DOCK6: variants seen among roughly 807,000 people sequenced by gnomAD.
The protein encoded by DOCK6 is dedicator of cytokinesis protein 6.
DOCK6 carries 167 observed loss-of-function variants against 230.3 expected under a neutral mutation model. The observed-to-expected ratio is 0.73, with a 90% confidence interval of 0.64 to 0.82. DOCK6 has a LOEUF of 0.82. Ranked by LOEUF, DOCK6 falls within the 40% of genes least tolerant of loss-of-function variation. DOCK6 has a pLI of 0.00. For synonymous variants in DOCK6, 1,148 were observed against 1,185.0 expected (o/e 0.97, Z 0.64); for missense variants, 2,598 against 2,825.8 (o/e 0.92, Z 1.83).
Position 11,228,958 on chromosome 19 carries a change from C to T in DOCK6, c.2796G>A (p.Trp932Ter). The change falls in exon 23 of 48, where the codon TGG becomes TGA. Residue 932 changes from tryptophan (W) to a stop codon, truncating the protein, a stop_gained. Coordinates refer to ENST00000294618, the MANE Select transcript of DOCK6 (RefSeq NM_020812.4). LOFTEE classifies it high-confidence loss of function. ...GTCTCACCATGAGCTGGAAGAAGAA[C>T]CAGGCGTGCTGGAGGATGGCCTCGC... ...AVREAILQHA[W>*]FFFQLMVKSM... is the part of the protein sequence containing the mutation. 3 of 1,613,832 alleles carry T rather than the reference C, an allele frequency of 1.9e-6. No individual in the cohort carries two copies. The highest frequency in any genetic ancestry group is 2.5e-6 in the Non-Finnish European group (3 of 1,179,854).
intron 23 of DOCK6, 45 bp downstream of exon 23, chr19:11,228,895 C>G: frequency 6.3e-7 from 1 of 1,590,840 alleles, no homozygotes; most frequent in Non-Finnish European, 8.6e-7. Context: ...GGAAGGGGCT[C>G]CACTGGGGGT....
At position 11,253,795 on chromosome 19, in the gene DOCK6, A is replaced by G. The variant is rs535302416; in HGVS notation, c.45-69T>C. 1.3e-5 allele frequency: 15 copies of G among 1,117,102 alleles called. 1 individual carries two copies. The South Asian group carries it at 2.2e-4, about 17-fold the overall frequency. The allele number at this position is 1,117,102 out of a possible 1,614,324, so 69.2% of individuals were successfully genotyped here. Reference sequence around the variant, plus strand: ...GCAGCGGAGCGGACAGATTCTTTCTATGAGGAAAATCCAGATTGTGGAACG... The same window carrying G: ...GCAGCGGAGCGGACAGATTCTTTCTGTGAGGAAAATCCAGATTGTGGAACG... On this transcript the variant is annotated intron_variant, in intron 1 of 47. Transcript: ENST00000294618.
chr19:11,252,545 A>G lies in DOCK6; in HGVS notation c.314T>C (p.Leu105Pro). ...TEPGIPKDEK[L>P]DAQVRAAVEM... ...CACCGCGGCCCTCACCTGGGCATCC[A>G]GTTTTCTGCAGCAAAAGAAGATCAG... Residue 105 changes from leucine (L) to proline (P), a missense_variant, in exon 4 of 48, where the codon CTG becomes CCG. By Grantham distance (98) the Leu-to-Pro change is moderately conservative (BLOSUM62 -3). Coordinates refer to ENST00000294618, the MANE Select transcript of DOCK6 (RefSeq NM_020812.4). The G allele has an allele frequency of 6.2e-7, 1 of 1,613,904 alleles. No individual in the cohort carries two copies. Among genetic ancestry groups the G allele is most frequent in the East Asian group, 2.2e-5 (1 of 44,886 alleles).
chr19:11,251,015 G>A lies in DOCK6; in HGVS notation c.579C>T (p.Asp193=). Residue 193 remains aspartate, a synonymous_variant, in exon 6 of 48, where the codon GAC becomes GAT. Transcript: ENST00000294618. ...ATGAGTCAGCTGCCAGGTTCCTCAG[G>A]TCGAAGATGCTAGAGGCACCACTGC... is the stretch of plus-strand genomic sequence containing the variant. ...PRSSGASSIF[D]LRNLAADSLL... The A allele has an allele frequency of 1.2e-6, 2 of 1,613,818 alleles. No homozygotes were observed.
In DOCK6 at chr19:11,202,365, G is replaced by C; in HGVS notation, c.5451+29C>G. ...GCACTTGGAGTCTCTGTGAATCTAA[G>C]ATTTTGGGGAAATGGTTGGGGGACC... On this transcript the variant is annotated intron_variant, in intron 43 of 47. Coordinates refer to ENST00000294618, the MANE Select transcript of DOCK6 (RefSeq NM_020812.4). The surrounding 1 kb of genome is among the most constrained non-coding windows in gnomAD (Gnocchi z 5.3). 1 of 1,607,484 alleles carries C rather than the reference G, an allele frequency of 6.2e-7. No individual in the cohort carries two copies. The highest frequency in any genetic ancestry group is 8.5e-7 in the Non-Finnish European group (1 of 1,176,700).
At position 11,245,725 on chromosome 19, in the gene DOCK6, G is replaced by A. The variant is rs2080021832; in HGVS notation, c.874-13C>T. The A allele has an allele frequency of 1.9e-6, 3 of 1,604,756 alleles. No homozygotes were observed. In the East Asian group the frequency reaches 6.7e-5, roughly 36 times the overall value. ...AGTTCTCCGAGATCTGGGGACACCA[G>A]AGGCAGCTGGGCCACCACCTCTGGG... is the stretch of plus-strand genomic sequence containing the variant. On this transcript the variant is annotated splice_polypyrimidine_tract_variant and intron_variant, in intron 8 of 47. Transcript: ENST00000294618.
rs1438436562 is a variant in DOCK6 at position 11,217,302 on chromosome 19, C to T, written c.3640G>A (p.Val1214Met). The T allele has an allele frequency of 1.2e-6, 2 of 1,613,112 alleles. No homozygotes were observed. Among genetic ancestry groups the T allele is most frequent in the African/African-American group, 1.3e-5 (1 of 74,942 alleles). Residue 1214 changes from valine to methionine, a missense_variant, in exon 29 of 48, where the codon GTG becomes ATG. By Grantham distance (21) the Val-to-Met change is conservative. Transcript: ENST00000294618. ...GDIAGTINPS[V>M]AMAIAGGPLA... ...GGGCCACCAGCAATGGCCATGGCCA[C>T]AGAGGGGTTGATGGTACCCGCAATG...
chr19:11,246,513 C>A (rs2080037175), intron 7 of DOCK6, among the ~76,000 whole-genome samples: 1 of 152,206 alleles, frequency 6.6e-6, no homozygotes, highest in Non-Finnish European at 1.5e-5. Context: ...TCCCACCCGC[C>A]TCAGCCTCCC....
chr19:11,201,116 C>T lies in DOCK6; in HGVS notation c.5689-64G>A, dbSNP rs765779509. 7.5e-5 allele frequency: 119 copies of T among 1,586,572 alleles called. 1 individual carries two copies. The South Asian group carries it at 9.3e-4, about 12-fold the overall frequency. On this transcript the variant is annotated intron_variant, in intron 44 of 47. Coordinates refer to ENST00000294618, the MANE Select transcript of DOCK6 (RefSeq NM_020812.4). The surrounding 1 kb of genome is among the most constrained non-coding windows in gnomAD (Gnocchi z 4.3). The stretch of plus-strand genomic sequence containing the variant: ...TGAGGAGGTCCTGATCGAAGCCAGT[C>T]GGGGGCAGCTCAGACCCCGCTGGGA...
chr19:11,253,630 A>G lies in DOCK6; in HGVS notation c.132+9T>C. The G allele has an allele frequency of 7.1e-7, 1 of 1,416,730 alleles. No individual in the cohort carries two copies. 87.8% of individuals were successfully genotyped at this position (1,416,730 alleles called of 1,614,324 possible). On this transcript the variant is annotated intron_variant, in intron 2 of 47. Coordinates refer to ENST00000294618, the MANE Select transcript of DOCK6 (RefSeq NM_020812.4). The stretch of plus-strand genomic sequence containing the variant: ...CAGAGGGCTGGGGGCGGACCCCCCA[A>G]ATACTTACCCCCAGGGAGCTGCTGC...
chr19:11,235,971 C>T, intron 20 of DOCK6: 1 of 592,238 alleles, frequency 1.7e-6, no homozygotes, highest in Non-Finnish European at 2.7e-6. Context: ...ACCTCCGCCT[C>T]CCAGGTTCAA....
At position 11,245,989 on chromosome 19, in the gene DOCK6, T is replaced by C. The variant is rs1180750366; in HGVS notation, c.807-111A>G. 2.5e-6 allele frequency: 3 copies of C among 1,203,082 alleles called. No homozygotes were observed. The East Asian group carries it at 7.8e-5, about 31-fold the overall frequency. The allele number at this position is 1,203,082 out of a possible 1,614,324, so 74.5% of individuals were successfully genotyped here. ...GGCATCTGACTCCCACTGGGCCACA[T>C]GGAACCGCCACTTAAGGGCTTGCAG... On this transcript the variant is annotated intron_variant, in intron 7 of 47. Transcript: ENST00000294618.
rs1242641341 is a variant in DOCK6 at position 11,242,171 on chromosome 19, T to G, written c.1517A>C (p.Asn506Thr). Reference sequence around the variant, plus strand: ...CTCAGGGGAGAGGCAGAAGTGGGGATTTTCAGGAGCCGGAGAAATGTCGAT... The same window carrying G: ...CTCAGGGGAGAGGCAGAAGTGGGGAGTTTCAGGAGCCGGAGAAATGTCGAT... The part of the protein sequence containing the change: ...LKIDISPAPE[N>T]PHFCLSPELL... Residue 506 changes from asparagine (N) to threonine (T), a missense_variant, in exon 14 of 48, where the codon AAT becomes ACT. Coordinates refer to ENST00000294618, the MANE Select transcript of DOCK6 (RefSeq NM_020812.4). The G allele has an allele frequency of 2.7e-6, 4 of 1,458,774 alleles. No homozygotes were observed. Among genetic ancestry groups the G allele is most frequent in the Non-Finnish European group, 3.6e-6 (4 of 1,106,230 alleles). 90.4% of individuals were successfully genotyped at this position (1,458,774 alleles called of 1,614,324 possible).
At position 11,200,759 on chromosome 19, in the gene DOCK6, G is replaced by A; in HGVS notation, c.5896C>T (p.His1966Tyr). ...AAGCAGAGCCGCAATTTGTTGTGAT[G>A]CCGGAAGAGCTTGGGGTCTTCCGGG... ...EIPEDPKLFR[H>Y]HNKLRLCFKD... Residue 1966 changes from histidine (H) to tyrosine (Y), a missense_variant, in exon 46 of 48, where the codon CAT (histidine) becomes TAT (tyrosine). Physicochemically the swap from His to Tyr is moderately conservative, Grantham distance 83. Transcript: ENST00000294618. The surrounding 1 kb of genome is among the most constrained non-coding windows in gnomAD (Gnocchi z 4.3). The A allele has an allele frequency of 6.2e-7, 1 of 1,613,708 alleles. No individual in the cohort carries two copies.
chr19:11,246,493 G>A (rs1390000430), intron 7 of DOCK6, among the ~76,000 whole-genome samples: 3 of 152,036 alleles, frequency 2.0e-5, no homozygotes, highest in African/African-American at 7.2e-5. Context: ...CACCATGTTG[G>A]CCAGGCTGGT....
intron 14 of DOCK6, chr19:11,239,813 G>A (rs1241981871): frequency 1.0e-5 from 16 of 1,604,686 alleles, no homozygotes; most frequent in South Asian, 4.5e-5. Flanking sequence ...ACGGAGGGAC[G>A]GCTGACAAAG....
At chr19:11,213,122 C>A in intron 35 of DOCK6, 54 bp downstream of exon 35, 1 of 1,577,510 alleles carries the variant, frequency 6.3e-7, no homozygotes, top group Non-Finnish European at 8.6e-7. Flanking sequence ...TGAGACCCCA[C>A]TGGCCACCCT....
rs545425828 is a variant in DOCK6, at chr19:11,253,578, A to G, written c.132+61T>C. 12 of 1,139,490 alleles carry G rather than the reference A, an allele frequency of 1.1e-5. No homozygotes were observed. The South Asian group carries it at 2.2e-4, about 21-fold the overall frequency. 70.6% of individuals were successfully genotyped at this position (1,139,490 alleles called of 1,614,324 possible). On this transcript the variant is annotated intron_variant, in intron 2 of 47. Coordinates refer to ENST00000294618, the MANE Select transcript of DOCK6 (RefSeq NM_020812.4). ...GGGTGGGATAGAACCTAGGCCAAGG[A>G]AGCCCCTACCTCTGTCTGAGAGAGG...
At chr19:11,244,028 C>T (rs1034582223) in intron 9 of DOCK6, 146 bp from the exon 10 acceptor site, 2 of 870,194 alleles carry the variant, frequency 2.3e-6, no homozygotes, top group South Asian at 1.6e-5. Context: ...CCATGGCTCC[C>T]GCTGTCCTTG....
Sources: gnomAD v4.1 joint callset for allele counts (sites outside exome capture counted in the v4.1 genomes callset) on GRCh38, gnomAD v4.1.1 for gene constraint, Gnocchi (gnomAD v3.1) non-coding constraint, MANE v1.5 for transcripts, NCBI Gene and HGNC (gene_info 2026-07-23, HGNC 2026-07-21) for gene names.